Variants in RTKN2 observed in about 807,000 individuals in gnomAD.
RTKN2 encodes the protein rhotekin-2.
RTKN2 carries 69 observed loss-of-function variants against 71.5 expected under a neutral mutation model. The ratio of observed to expected loss-of-function variants is 0.96; its 90% CI spans 0.79 to 1.18. The LOEUF is 1.18. RTKN2 is among the 50% of genes most tolerant of loss of function. The probability of loss-of-function intolerance (pLI) is 0.00; values close to 1 mark genes in which losing one functional copy is unlikely to be tolerated. For synonymous variants in RTKN2, 236 were observed against 236.5 expected (o/e 1.00, Z 0.02); for missense variants, 724 against 719.7 (o/e 1.01, Z -0.07).
intron 8 of RTKN2, among the ~76,000 whole-genome samples, chr10:62,185,900 G>C (rs1841127793): frequency 6.6e-6 from 1 of 152,186 alleles, no homozygotes; most frequent in Non-Finnish European, 1.5e-5. Flanking sequence ...TTGATTATTT[G>C]CTGTTTTCTT....
chr10:62,258,210 A>G (rs1402694873), intron 2 of RTKN2, among the ~76,000 whole-genome samples: 1 of 152,226 alleles, frequency 6.6e-6, no homozygotes, highest in Non-Finnish European at 1.5e-5. Context: ...AAGTAGCACT[A>G]TTCTATATGC....
downstream of RTKN2, among the ~76,000 whole-genome samples, chr10:62,188,352 T>G (rs1434896671): frequency 6.6e-6 from 1 of 152,166 alleles, no homozygotes; most frequent in East Asian, 1.9e-4. Flanking sequence ...AAGTGAGTGA[T>G]CCAAGAGAGG....
At position 62,194,302 on chromosome 10, in the gene RTKN2, T is replaced by C; in HGVS notation, c.*3606A>G. ...AGAATATGCAGATTTCATTTAACTA[T>C]TAATAGCAATGAAGCAGTTGCACAC... On this transcript the variant is annotated 3_prime_UTR_variant, in exon 12 of 12. Coordinates refer to ENST00000373789, the MANE Select transcript of RTKN2 (RefSeq NM_145307.4). 1 of 981,584 alleles carries C rather than the reference T, an allele frequency of 1.0e-6. No individual in the cohort carries two copies. Among genetic ancestry groups the C allele is most frequent in the Non-Finnish European group, 1.2e-6 (1 of 826,450 alleles). 60.8% of individuals were successfully genotyped at this position (981,584 alleles called of 1,614,324 possible). A position where few individuals can be genotyped will look rare whatever the true frequency, so the allele number is the denominator to read the frequency against.
Position 62,194,715 on chromosome 10 carries a change from T to G in RTKN2, c.*3193A>C. The G allele has an allele frequency of 1.0e-6, 1 of 985,428 alleles. No homozygotes were observed. The highest frequency in any genetic ancestry group is 1.2e-6 in the Non-Finnish European group (1 of 829,926). 61.0% of individuals were successfully genotyped at this position (985,428 alleles called of 1,614,324 possible). On this transcript the variant is annotated 3_prime_UTR_variant, in exon 12 of 12. Transcript: ENST00000373789. ...ATTAATTAACTTCTCAGTAGGGGGC[T>G]GAGGTGCTGAACATAAGCCTAAAGA...
At chr10:62,187,247 T>C (rs979771408) in intron 8 of RTKN2, among the ~76,000 whole-genome samples, 3 of 151,406 alleles carry the variant, frequency 2.0e-5, no homozygotes, top group African/African-American at 7.3e-5. Context: ...TAAGTGACTA[T>C]TTAAGGAACA....
At chr10:62,191,418 TA>T (rs1841221500), downstream of RTKN2, among the ~76,000 whole-genome samples, 2 of 152,354 alleles carry the variant, frequency 1.3e-5, no homozygotes, top group South Asian at 4.1e-4. Context: ...GTACTGGGAT[TA>T]TAGGCATGAG....
rs989514425 is a variant in RTKN2, at chr10:62,193,713, C to T, written c.*4195G>A. 1.2e-5 allele frequency: 12 copies of T among 985,008 alleles called. No homozygotes were observed. Among genetic ancestry groups the T allele is most frequent in the East Asian group, 1.1e-4 (1 of 8,824 alleles). The allele number at this position is 985,008 out of a possible 1,614,324, so 61.0% of individuals were successfully genotyped here. A position where few individuals can be genotyped will look rare whatever the true frequency, so the allele number is the denominator to read the frequency against. On this transcript the variant is annotated 3_prime_UTR_variant, in exon 12 of 12. Transcript: ENST00000373789. Reference sequence around the variant, plus strand: ...TGGCTAGTAGCGACTGAATATCCTACGTACCTAATTTACTGCAGTGGCTTA... The same window carrying T: ...TGGCTAGTAGCGACTGAATATCCTATGTACCTAATTTACTGCAGTGGCTTA...
In RTKN2 at chr10:62,194,790, C is replaced by T. The variant is rs1011747897; in HGVS notation, c.*3118G>A. On this transcript the variant is annotated 3_prime_UTR_variant, in exon 12 of 12. Coordinates refer to ENST00000373789, the MANE Select transcript of RTKN2 (RefSeq NM_145307.4). ...TACGTGAGGTATCTCTAATTCAAGA[C>T]AGCTTCCATTTTTAATAAATAGTAG... The T allele has an allele frequency of 4.1e-6, 4 of 985,186 alleles. No individual in the cohort carries two copies. The highest frequency in any genetic ancestry group is 4.8e-6 in the Non-Finnish European group (4 of 829,846). 61.0% of individuals were successfully genotyped at this position (985,186 alleles called of 1,614,324 possible).
rs1564496591 is a variant in RTKN2 at position 62,196,228 on chromosome 10, T to G, written c.*1680A>C. On this transcript the variant is annotated 3_prime_UTR_variant, in exon 12 of 12. Coordinates refer to ENST00000373789, the MANE Select transcript of RTKN2 (RefSeq NM_145307.4). Reference sequence around the variant, plus strand: ...AGATTTTTAATGTCATTTATTGAAATGGCAATCATAACAGAAACTTATGAG... The same window carrying G: ...AGATTTTTAATGTCATTTATTGAAAGGGCAATCATAACAGAAACTTATGAG... 1 of 973,704 alleles carries G rather than the reference T, an allele frequency of 1.0e-6. No individual in the cohort carries two copies. The highest frequency in any genetic ancestry group is 1.2e-6 in the Non-Finnish European group (1 of 819,406). The allele number at this position is 973,704 out of a possible 1,614,324, so 60.3% of individuals were successfully genotyped here. A position where few individuals can be genotyped will look rare whatever the true frequency, so the allele number is the denominator to read the frequency against.
At chr10:62,244,838 T>C (rs1222244313) in intron 3 of RTKN2, among the ~76,000 whole-genome samples, 1 of 152,206 alleles carries the variant, frequency 6.6e-6, no homozygotes, top group Admixed American at 6.5e-5. Context: ...CTGAATGCAA[T>C]TCTTCAGATT....
At position 62,197,078 on chromosome 10, in the gene RTKN2, T is replaced by C; in HGVS notation, c.*830A>G. ...GGCCAACTTTTCTGATATTTTTGAATCTCTCATCTTCTTTTTAAATAAGTA... is the reference window on the plus strand; with the variant it reads ...GGCCAACTTTTCTGATATTTTTGAACCTCTCATCTTCTTTTTAAATAAGTA... On this transcript the variant is annotated 3_prime_UTR_variant, in exon 12 of 12. Transcript: ENST00000373789. 1 of 978,046 alleles carries C rather than the reference T, an allele frequency of 1.0e-6. No individual in the cohort carries two copies. Among genetic ancestry groups the C allele is most frequent in the Non-Finnish European group, 1.2e-6 (1 of 823,240 alleles). The allele number at this position is 978,046 out of a possible 1,614,324, so 60.6% of individuals were successfully genotyped here.
intron 5 of RTKN2, among the ~76,000 whole-genome samples, chr10:62,237,634 C>T (rs2132984221): frequency 6.6e-6 from 1 of 151,924 alleles, no homozygotes; most frequent in African/African-American, 2.4e-5. Context: ...ATCTGCTAAA[C>T]CTTTAGTTTT....
chr10:62,252,548 T>C (rs1010875306), intron 2 of RTKN2, among the ~76,000 whole-genome samples: 3 of 151,918 alleles, frequency 2.0e-5, no homozygotes, highest in Non-Finnish European at 4.4e-5. Context: ...AAGGTGAAGA[T>C]ATGACTATAA....
At chr10:62,268,184 A>G (rs1842900070) in intron 1 of RTKN2, among the ~76,000 whole-genome samples, 1 of 152,204 alleles carries the variant, frequency 6.6e-6, no homozygotes, top group South Asian at 2.1e-4. Context: ...CCAGCTGTCC[A>G]CTGGCCTCGC....
intron 6 of RTKN2, among the ~76,000 whole-genome samples, chr10:62,228,496 A>G (rs1473478170): frequency 1.3e-5 from 2 of 152,222 alleles, no homozygotes; most frequent in African/African-American, 2.4e-5. Context: ...AAATGGTTCA[A>G]TAGAGAATGG....
chr10:62,210,946 CTA>C (rs1841647026), intron 9 of RTKN2, among the ~76,000 whole-genome samples: 1 of 151,982 alleles, frequency 6.6e-6, no homozygotes, highest in South Asian at 2.1e-4. Flanking sequence ...TTTCTAGGTT[CTA>C]TGATAAATAT....
intron 1 of RTKN2, among the ~76,000 whole-genome samples, chr10:62,267,427 A>G (rs111622513): frequency 2.7e-4 from 41 of 152,330 alleles, no homozygotes; most frequent in African/African-American, 9.4e-4. Flanking sequence ...GCAATTCACT[A>G]TAAATCAAGA....
At chr10:62,225,965 T>C (rs776495537) in intron 6 of RTKN2, among the ~76,000 whole-genome samples, 1 of 151,972 alleles carries the variant, frequency 6.6e-6, no homozygotes, top group Non-Finnish European at 1.5e-5. Flanking sequence ...GTATTTTTAG[T>C]AGAGACGGGG....
chr10:62,211,045 AAATG>A (rs1411131969), intron 9 of RTKN2, among the ~76,000 whole-genome samples: 1 of 152,214 alleles, frequency 6.6e-6, no homozygotes, highest in African/African-American at 2.4e-5. Flanking sequence ...GATTTTATTA[AAATG>A]AATGATGTAT....
Sources: gnomAD v4.1 joint callset for allele counts (sites outside exome capture counted in the v4.1 genomes callset) on GRCh38, gnomAD v4.1.1 for gene constraint, MANE v1.5 for transcripts, NCBI Gene and HGNC (gene_info 2026-07-23, HGNC 2026-07-21) for gene names.